The following PLXNA4 variants were observed in gnomAD, a reference collection of about 807,000 sequenced individuals.
PLXNA4 encodes the protein plexin A4.
A neutral mutation model predicts 191.8 loss-of-function variants in PLXNA4; 44 were observed. The observed-to-expected ratio is 0.23, with a 90% CI of 0.18 to 0.29. The LOEUF is 0.29. PLXNA4 is among the 10% of genes least tolerant of loss of function. The pLI is 1.00. For synonymous variants in PLXNA4, 1,082 were observed against 1,009.5 expected (o/e 1.07, Z -1.36); for missense variants, 1,800 against 2,488.8 (o/e 0.72, Z 5.89).
intron 2 of PLXNA4, among the ~76,000 whole-genome samples, chr7:132,497,679 A>G (rs758930240): frequency 7.9e-5 from 12 of 152,176 alleles, no homozygotes; most frequent in Non-Finnish European, 1.3e-4. Flanking sequence ...CTGCCTTCAG[A>G]CACGTGACAT....
In PLXNA4 at chr7:132,431,536, C is replaced by T. The variant is rs145870310; in HGVS notation, c.1371+57756G>A. Among the ~76,000 whole-genome samples the T allele has an allele frequency of 1.5e-4, 23 of 152,266 alleles. No homozygotes were observed. In the East Asian group the frequency reaches 2.7e-3, roughly 18 times the overall value. On this transcript the variant is annotated intron_variant, in intron 3 of 31. Transcript: ENST00000321063. ...GGGAAGGAGGAAGGGAGGGGGAAGA[C>T]GTGACTCAGAAGTTAAATGCCTTCT...
At chr7:132,357,124 GA>G (rs1803740721) in intron 3 of PLXNA4, among the ~76,000 whole-genome samples, 1 of 152,170 alleles carries the variant, frequency 6.6e-6, no homozygotes, top group African/African-American at 2.4e-5. Flanking sequence ...CAAAAGCCTG[GA>G]AAAAATGTAC....
intron 2 of PLXNA4, among the ~76,000 whole-genome samples, chr7:132,592,836 G>A (rs748417576): frequency 2.0e-5 from 3 of 149,458 alleles, no homozygotes; most frequent in East Asian, 1.9e-4. Context: ...AAACCCCTAC[G>A]TGCCTTTTTT....
At chr7:132,270,593 G>C (rs1165816051) in intron 4 of PLXNA4, among the ~76,000 whole-genome samples, 1 of 152,218 alleles carries the variant, frequency 6.6e-6, no homozygotes, top group Non-Finnish European at 1.5e-5. Flanking sequence ...AGAGGAATGA[G>C]AGCAAGAAGT....
intron 3 of PLXNA4, among the ~76,000 whole-genome samples, chr7:132,371,101 G>T (rs1004425811): frequency 5.9e-5 from 9 of 152,188 alleles, no homozygotes; most frequent in African/African-American, 2.2e-4. Flanking sequence ...GGGCTGGTCT[G>T]CAGACACACA....
chr7:132,431,344 G>A (rs1795252346), intron 3 of PLXNA4, among the ~76,000 whole-genome samples: 1 of 152,052 alleles, frequency 6.6e-6, no homozygotes, highest in Admixed American at 6.5e-5. Flanking sequence ...CCAATCCTGG[G>A]TGGTAAGGCA....
chr7:132,277,404 G>T (rs1372733323), intron 4 of PLXNA4, among the ~76,000 whole-genome samples: 2 of 152,194 alleles, frequency 1.3e-5, no homozygotes, highest in Admixed American at 6.5e-5. Flanking sequence ...TCCTGTGAGG[G>T]CTGCAAGCCA....
intron 4 of PLXNA4, among the ~76,000 whole-genome samples, chr7:132,245,025 TC>T (rs1562988719): frequency 6.6e-6 from 1 of 151,764 alleles, no homozygotes; most frequent in Non-Finnish European, 1.5e-5. Flanking sequence ...GCCTCTCCCA[TC>T]CCCCAACTCC....
At chr7:132,646,977 C>T (rs1803882381) in intron 1 of PLXNA4, among the ~76,000 whole-genome samples, 1 of 150,172 alleles carries the variant, frequency 6.7e-6, no homozygotes, top group South Asian at 2.1e-4. Context: ...TCACAAATAC[C>T]CACATGCTAT....
chr7:132,621,347 G>A (rs993864300), intron 2 of PLXNA4, among the ~76,000 whole-genome samples: 8 of 145,732 alleles, frequency 5.5e-5, no homozygotes, highest in Middle Eastern at 3.6e-3. Context: ...TGCAACCTCC[G>A]CCTCCTTGGT....
chr7:132,247,434 A>G (rs2117063205), intron 4 of PLXNA4, among the ~76,000 whole-genome samples: 1 of 152,336 alleles, frequency 6.6e-6, no homozygotes, highest in South Asian at 2.1e-4. Context: ...AAGATGACCC[A>G]TTAAGAAACT....
chr7:132,517,513 C>T (rs1161180019), intron 1 of PLXNA4, among the ~76,000 whole-genome samples: 1 of 152,152 alleles, frequency 6.6e-6, no homozygotes, highest in Non-Finnish European at 1.5e-5. Flanking sequence ...CAACAGTTAA[C>T]CTCACCCTAA....
At chr7:132,156,179 CACAG>C (rs1252997059) in intron 25 of PLXNA4, among the ~76,000 whole-genome samples, 32 of 151,152 alleles carry the variant, frequency 2.1e-4, no homozygotes, top group African/African-American at 6.8e-4. Context: ...CACACACACA[CACAG>C]ACGCACACAC....
chr7:132,306,856 A>G lies in PLXNA4; in HGVS notation c.1372-8634T>C, dbSNP rs561732629. The stretch of plus-strand genomic sequence containing the variant: ...ATTTTCCCTTTCTCATTCTGCAGAA[A>G]GGGAGAGAGGACAGGTGATACAACC... On this transcript the variant is annotated intron_variant, in intron 3 of 31. Coordinates refer to ENST00000321063, the MANE Select transcript of PLXNA4 (RefSeq NM_020911.2). Among the ~76,000 whole-genome samples, 98 of 152,276 alleles carry G rather than the reference A, an allele frequency of 6.4e-4. 1 individual carries two copies. The highest frequency in any genetic ancestry group is 1.2e-3 in the Non-Finnish European group (81 of 68,026).
At chr7:132,280,426 T>C (rs140740675) in intron 4 of PLXNA4, among the ~76,000 whole-genome samples, 17 of 152,340 alleles carry the variant, frequency 1.1e-4, no homozygotes, top group African/African-American at 3.8e-4. Flanking sequence ...GACAGATTCA[T>C]ATCCGTGAAA....
At chr7:132,202,389 G>A (rs1477591479) in intron 12 of PLXNA4, among the ~76,000 whole-genome samples, 2 of 152,170 alleles carry the variant, frequency 1.3e-5, no homozygotes, top group Non-Finnish European at 2.9e-5. Context: ...TTTTGACACA[G>A]CTCCTCAGAG....
chr7:132,278,244 C>T (rs1024784750), intron 4 of PLXNA4, among the ~76,000 whole-genome samples: 10 of 152,128 alleles, frequency 6.6e-5, no homozygotes, highest in African/African-American at 2.4e-4. Flanking sequence ...ATGGCACAGA[C>T]ACTATCTTTT....
At chr7:132,437,673 T>C (rs1000525470) in intron 3 of PLXNA4, among the ~76,000 whole-genome samples, 10 of 151,904 alleles carry the variant, frequency 6.6e-5, no homozygotes, top group Non-Finnish European at 1.2e-4. Flanking sequence ...TCTCCTATTT[T>C]CAGTGAAACT....
At chr7:132,154,668 G>C (rs1795742288) in intron 25 of PLXNA4, among the ~76,000 whole-genome samples, 1 of 152,052 alleles carries the variant, frequency 6.6e-6, no homozygotes, top group South Asian at 2.1e-4. Context: ...GGAACACAGG[G>C]CTCTGGCATG....
Sources: gnomAD v4.1 joint callset for allele counts (sites outside exome capture counted in the v4.1 genomes callset) on GRCh38, gnomAD v4.1.1 for gene constraint, MANE v1.5 for transcripts, NCBI Gene and HGNC (gene_info 2026-07-23, HGNC 2026-07-21) for gene names.